The following TRPM3 variants were observed in gnomAD, a reference collection of about 807,000 sequenced individuals.
TRPM3 encodes the protein long transient receptor potential channel 3.
A neutral mutation model predicts 181.2 loss-of-function variants in TRPM3; 77 were observed. The observed-to-expected ratio is 0.42, with a 90% CI of 0.35 to 0.51. TRPM3 has a LOEUF of 0.51. TRPM3 is among the 20% of genes least tolerant of loss of function. The pLI is 0.01. For synonymous variants in TRPM3, 745 were observed against 796.4 expected, an observed-to-expected ratio of 0.94 and a Z score of 1.09; for missense variants, 1,759 against 2,196.7, an observed-to-expected ratio of 0.80 and a Z score of 3.98.
intron 1 of TRPM3, among the ~76,000 whole-genome samples, chr9:70,968,480 T>A (rs2097207261): frequency 6.6e-6 from 1 of 152,180 alleles, no homozygotes; most frequent in African/African-American, 2.4e-5. Context: ...CCAGCTTGTA[T>A]GAATCTGAGA....
intron 7 of TRPM3, among the ~76,000 whole-genome samples, chr9:70,767,923 C>T (rs986608562): frequency 6.6e-6 from 1 of 152,176 alleles, no homozygotes; most frequent in African/African-American, 2.4e-5. Context: ...TAGCATGTCA[C>T]TTTCTTGTAC....
chr9:71,388,132 C>T (rs2092971162), intron 1 of TRPM3, among the ~76,000 whole-genome samples: 2 of 151,984 alleles, frequency 1.3e-5, no homozygotes, highest in African/African-American at 4.8e-5. Flanking sequence ...CATAGTTATA[C>T]AACAAAAAGA....
intron 1 of TRPM3, among the ~76,000 whole-genome samples, chr9:70,866,129 T>C (rs543873254): frequency 3.9e-5 from 6 of 152,226 alleles, no homozygotes; most frequent in Admixed American, 2.6e-4. Flanking sequence ...TCATAGGCCA[T>C]GATTTTTCTC....
intron 1 of TRPM3, among the ~76,000 whole-genome samples, chr9:70,955,831 A>T (rs2097062740): frequency 6.6e-6 from 1 of 152,150 alleles, no homozygotes; most frequent in African/African-American, 2.4e-5. Flanking sequence ...AACCCCACCC[A>T]TCAAATTAAT....
chr9:71,301,189 A>G (rs61520206), intron 1 of TRPM3, among the ~76,000 whole-genome samples: 5,785 of 152,246 alleles, frequency 0.038, 398 homozygotes, highest in African/African-American at 0.13. Context: ...ATTGGGCAAG[A>G]GATCTCACCT....
intron 21 of TRPM3, among the ~76,000 whole-genome samples, chr9:70,595,977 T>C (rs996008566): frequency 2.6e-5 from 4 of 152,188 alleles, no homozygotes; most frequent in African/African-American, 7.2e-5. Context: ...GTGTTATAAA[T>C]ACCATTTGTA....
At chr9:71,278,970 T>C (rs1169877684) in intron 1 of TRPM3, among the ~76,000 whole-genome samples, 1 of 150,496 alleles carries the variant, frequency 6.6e-6, no homozygotes, top group East Asian at 1.9e-4. Flanking sequence ...ATACTTCTCT[T>C]TTGGTTAGCA....
intron 1 of TRPM3, among the ~76,000 whole-genome samples, chr9:71,252,200 A>C (rs960725183): frequency 6.6e-6 from 1 of 151,890 alleles, no homozygotes; most frequent in African/African-American, 2.4e-5. Context: ...TTAGATTGAA[A>C]CCAATTTAAC....
intron 1 of TRPM3, among the ~76,000 whole-genome samples, chr9:71,130,060 A>G (rs779810508): frequency 1.3e-5 from 2 of 152,224 alleles, no homozygotes; most frequent in Non-Finnish European, 2.9e-5. Flanking sequence ...GTTTTTAAAC[A>G]TATACAAACT....
intron 3 of TRPM3, 70 bp downstream of exon 3, chr9:70,862,838 T>C: frequency 6.6e-7 from 1 of 1,522,292 alleles, no homozygotes; most frequent in Non-Finnish European, 9.1e-7. Flanking sequence ...TTTCATGCTC[T>C]TAACCACCCC....
chr9:70,604,964 C>CTT (rs5898151), intron 19 of TRPM3, among the ~76,000 whole-genome samples: 7,103 of 129,912 alleles, frequency 0.055, 479 homozygotes, highest in Middle Eastern at 0.09. Flanking sequence ...ATGGATTCTT[C>CTT]TTTTTTTTTG....
intron 8 of TRPM3, among the ~76,000 whole-genome samples, chr9:70,742,435 T>C (rs1047874584): frequency 1.7e-4 from 26 of 151,662 alleles, no homozygotes; most frequent in African/African-American, 6.3e-4. Flanking sequence ...TTGCTCTGTG[T>C]TGGGAACATT....
At position 71,191,343 on chromosome 9, in the gene TRPM3, G is replaced by A. The variant is rs186910011; in HGVS notation, c.183+255310C>T. On this transcript the variant is annotated intron_variant, in intron 1 of 24. Coordinates refer to the TRPM3 transcript ENST00000357533. ...TTGCTTTTTGTCTATAAAGACAAAC[G>A]CTGCCCACCCTTCTTTCAAATACCT... Among the ~76,000 whole-genome samples the A allele has an allele frequency of 8.6e-5, 13 of 151,800 alleles. No individual in the cohort carries two copies. The East Asian group carries it at 2.3e-3, about 27-fold the overall frequency.
At position 70,771,234 on chromosome 9, in the gene TRPM3, T is replaced by C. The variant is rs534684326; in HGVS notation, c.1149-9510A>G. On this transcript the variant is annotated intron_variant, in intron 7 of 25. Transcript: ENST00000677713. ...GAAGGCACAAATCAGCAAATTCTAC[T>C]GAGAGATTTGATATTTAGGATAAAA... Among the ~76,000 whole-genome samples the C allele has an allele frequency of 9.5e-4, 145 of 152,262 alleles. 1 individual carries two copies. The highest frequency in any genetic ancestry group is 3.4e-3 in the African/African-American group (141 of 41,568).
At chr9:70,620,490 C>T in intron 15 of TRPM3, 125 bp from the exon 16 acceptor site, 2 of 1,091,716 alleles carry the variant, frequency 1.8e-6, no homozygotes, top group Non-Finnish European at 1.3e-6. Context: ...AGGCCAGCTC[C>T]TGTCCTAAAA....
At chr9:71,197,298 CTT>C (rs2078446724) in intron 1 of TRPM3, among the ~76,000 whole-genome samples, 1 of 152,154 alleles carries the variant, frequency 6.6e-6, no homozygotes, top group Admixed American at 6.6e-5. Context: ...GGTTCCAAGT[CTT>C]TGCTATTGTG....
intron 22 of TRPM3, among the ~76,000 whole-genome samples, chr9:70,586,005 C>T (rs60810117): frequency 0.02 from 3,016 of 152,272 alleles, 95 homozygotes; most frequent in African/African-American, 0.067. Flanking sequence ...CATACTAATT[C>T]GCAGTTTGGA....
intron 1 of TRPM3, among the ~76,000 whole-genome samples, chr9:70,993,511 C>T (rs751050606): frequency 6.6e-6 from 1 of 152,030 alleles, no homozygotes; most frequent in Non-Finnish European, 1.5e-5. Context: ...GGAAGAGGGG[C>T]AGGCTGAAAA....
At chr9:71,195,374 AC>A (rs1453319598) in intron 1 of TRPM3, among the ~76,000 whole-genome samples, 2 of 151,986 alleles carry the variant, frequency 1.3e-5, no homozygotes, top group African/African-American at 4.8e-5. Context: ...CATGCGGCCA[AC>A]AAGTATATGA....
Sources: gnomAD v4.1 joint callset for allele counts (sites outside exome capture counted in the v4.1 genomes callset) on GRCh38, gnomAD v4.1.1 for gene constraint, MANE v1.5 for transcripts, NCBI Gene and HGNC (gene_info 2026-07-23, HGNC 2026-07-21) for gene names.